The following SLC44A5 variants were observed in gnomAD, a reference collection of about 807,000 sequenced individuals.
The protein encoded by SLC44A5 is solute carrier family 44 member 5.
A neutral mutation model predicts 101.8 loss-of-function variants in SLC44A5; 57 were observed. The observed-to-expected ratio is 0.56, with a 90% CI of 0.45 to 0.70. SLC44A5 has a LOEUF of 0.70. Ranked by LOEUF, SLC44A5 falls within the 30% of genes least tolerant of loss-of-function variation. The pLI is 0.00. For synonymous variants in SLC44A5, 281 were observed against 290.9 expected, an observed-to-expected ratio of 0.97 and a Z score of 0.35; for missense variants, 737 against 853.1, an observed-to-expected ratio of 0.86 and a Z score of 1.70.
intron 2 of SLC44A5, among the ~76,000 whole-genome samples, chr1:75,398,722 C>T (rs1211633076): frequency 6.6e-6 from 1 of 152,066 alleles, no homozygotes; most frequent in African/African-American, 2.4e-5. Flanking sequence ...AAGCAAAGTT[C>T]ATATTTTGGC....
At chr1:75,552,384 C>T (rs1006224883) in intron 1 of SLC44A5, among the ~76,000 whole-genome samples, 2 of 152,006 alleles carry the variant, frequency 1.3e-5, no homozygotes, top group Non-Finnish European at 2.9e-5. Flanking sequence ...TAAATAAGCC[C>T]CATTTTTACA....
At chr1:75,322,526 C>T (rs769437871) in intron 4 of SLC44A5, among the ~76,000 whole-genome samples, 2 of 152,012 alleles carry the variant, frequency 1.3e-5, no homozygotes. Flanking sequence ...TGAGAGAAAA[C>T]TCAGTAATTT....
chr1:75,409,049 A>C (rs1388319718), intron 2 of SLC44A5, among the ~76,000 whole-genome samples: 10 of 152,206 alleles, frequency 6.6e-5, no homozygotes, highest in Admixed American at 6.5e-4. Context: ...TTGCAGCAAC[A>C]TGGATGCAGC....
intron 2 of SLC44A5, among the ~76,000 whole-genome samples, chr1:75,448,923 T>TCTCCA (rs1665737760): frequency 6.6e-6 from 1 of 152,112 alleles, no homozygotes; most frequent in Non-Finnish European, 1.5e-5. Flanking sequence ...TATTCTCCTC[T>TCTCCA]CTCCACTCCA....
At chr1:75,434,879 G>C (rs988556187) in intron 2 of SLC44A5, among the ~76,000 whole-genome samples, 3 of 152,132 alleles carry the variant, frequency 2.0e-5, no homozygotes, top group Non-Finnish European at 2.9e-5. Context: ...CCTGTAAGGA[G>C]TAATTGCTTC....
chr1:75,302,016 TAAATC>T (rs1654485418), intron 4 of SLC44A5, among the ~76,000 whole-genome samples: 1 of 150,746 alleles, frequency 6.6e-6, no homozygotes, highest in Non-Finnish European at 1.5e-5. Flanking sequence ...GTCATTTGTT[TAAATC>T]TAGTTTCAAC....
intron 1 of SLC44A5, among the ~76,000 whole-genome samples, chr1:75,572,420 C>G (rs902649545): frequency 6.6e-6 from 1 of 152,104 alleles, no homozygotes; most frequent in Non-Finnish European, 1.5e-5. Flanking sequence ...AATATTCTCC[C>G]CTGAGTGGCA....
chr1:75,211,472 G>A lies in SLC44A5; in HGVS notation c.2043C>T (p.Cys681=). 1 of 1,610,762 alleles carries A rather than the reference G, an allele frequency of 6.2e-7. No homozygotes were observed. Among genetic ancestry groups the A allele is most frequent in the East Asian group, 2.2e-5 (1 of 44,700 alleles). The part of the protein sequence containing the change: ...YAMCVETIFI[C]FLEDLERNDG... ...ACACACATACTGAATACTCACAGAA[G>A]CAGATGAAAATTGTTTCAACACACA... is the stretch of plus-strand genomic sequence containing the variant. The change falls in exon 23 of 24, where the codon TGC becomes TGT. Residue 681 remains cysteine (C), a synonymous_variant. Transcript: ENST00000370859.
the SLC44A5 span, among the ~76,000 whole-genome samples, chr1:75,696,374 AT>A: frequency 2.0e-5 from 3 of 152,262 alleles, no homozygotes; most frequent in Admixed American, 2.0e-4. Flanking sequence ...GAGAACTAGA[AT>A]ATTTGTTAAA....
intron 2 of SLC44A5, among the ~76,000 whole-genome samples, chr1:75,540,229 C>T (rs1158151510): frequency 6.6e-6 from 1 of 152,228 alleles, no homozygotes; most frequent in Non-Finnish European, 1.5e-5. Context: ...ATCCTTACCT[C>T]AGTCTGTAAG....
intron 1 of SLC44A5, among the ~76,000 whole-genome samples, chr1:75,595,853 C>T (rs905636813): frequency 2.6e-5 from 4 of 152,174 alleles, no homozygotes; most frequent in Admixed American, 2.6e-4. Context: ...AAGAATAGGA[C>T]AGAAAGAAAA....
At chr1:75,440,534 G>C in intron 2 of SLC44A5, among the ~76,000 whole-genome samples, 1 of 152,122 alleles carries the variant, frequency 6.6e-6, no homozygotes, top group East Asian at 1.9e-4. Flanking sequence ...AGGTGACTAC[G>C]AAGATTTTTC....
At chr1:75,589,287 T>C (rs1185981884) in intron 1 of SLC44A5, among the ~76,000 whole-genome samples, 1 of 152,206 alleles carries the variant, frequency 6.6e-6, no homozygotes, top group Non-Finnish European at 1.5e-5. Flanking sequence ...TATGTGACTG[T>C]GGGAAAGTAA....
At position 75,219,819 on chromosome 1, in the gene SLC44A5, A is replaced by T; in HGVS notation, c.1159T>A (p.Tyr387Asn). ...GGATACACTGCTGTCACGACCCAGT[A>T]GCAAATGCAGATTGAGAGCAAAATG... is the stretch of plus-strand genomic sequence containing the variant. ...TFILLSICIC[Y>N]WVVTAVFLAT... Residue 387 changes from tyrosine to asparagine, a missense_variant, in exon 15 of 24, where the codon TAC (tyrosine) becomes AAC (asparagine). Tyr to Asn is a moderately radical substitution (Grantham distance 143). Around this residue, in one of 3 missense-constraint regions of SLC44A5, gnomAD observed 665 missense variants for 764.4 expected, o/e 0.87. Transcript: ENST00000370859. The T allele has an allele frequency of 6.2e-7, 1 of 1,612,692 alleles. No homozygotes were observed. Among genetic ancestry groups the T allele is most frequent in the Non-Finnish European group, 8.5e-7 (1 of 1,179,028 alleles).
intron 2 of SLC44A5, among the ~76,000 whole-genome samples, chr1:75,403,032 A>G (rs1313983990): frequency 6.6e-6 from 1 of 152,170 alleles, no homozygotes; most frequent in Non-Finnish European, 1.5e-5. Flanking sequence ...ACCATTACTG[A>G]GGGCTCAGAA....
intron 2 of SLC44A5, among the ~76,000 whole-genome samples, chr1:75,408,386 T>C (rs982290863): frequency 2.6e-5 from 4 of 152,174 alleles, no homozygotes; most frequent in Admixed American, 6.5e-5. Context: ...GGATTACAAC[T>C]CATTCTACTA....
chr1:75,683,424 C>A, the SLC44A5 span, among the ~76,000 whole-genome samples: 4 of 151,452 alleles, frequency 2.6e-5, no homozygotes, highest in African/African-American at 9.7e-5. Context: ...TACTATGCAG[C>A]CATAAAAAAT....
chr1:75,215,149 T>C (rs1646936039), intron 19 of SLC44A5, among the ~76,000 whole-genome samples: 1 of 152,150 alleles, frequency 6.6e-6, no homozygotes, highest in Admixed American at 6.6e-5. Flanking sequence ...TCTCCATAAC[T>C]ATTTCAATCA....
chr1:75,699,506 T>G, the SLC44A5 span, among the ~76,000 whole-genome samples: 1 of 148,652 alleles, frequency 6.7e-6, no homozygotes, highest in Admixed American at 6.8e-5. Context: ...AAGGAAGCGC[T>G]AAACATGGAA....
Sources: gnomAD v4.1 joint callset for allele counts (sites outside exome capture counted in the v4.1 genomes callset) on GRCh38, gnomAD v4.1.1 for gene constraint, gnomAD v4.1.1 regional missense constraint, MANE v1.5 for transcripts, NCBI Gene and HGNC (gene_info 2026-07-23, HGNC 2026-07-21) for gene names.